TOX: variants seen among roughly 807,000 people sequenced by gnomAD.
TOX encodes thymocyte selection associated high mobility group box, also known as thymocyte selection-associated high mobility group box protein TOX.
TOX carries 11 observed loss-of-function variants against 53.7 expected under a neutral mutation model. That is an observed-to-expected ratio of 0.20 (90% CI 0.13 to 0.34). The LOEUF (loss-of-function observed/expected upper bound fraction) is 0.34, where lower values mean the gene tolerates loss of function less well. Among genes scored for constraint, TOX ranks in the 10% least tolerant of loss-of-function variants. TOX has a pLI of 1.00. For missense variants in TOX, 570 were observed against 664.6 expected (o/e 0.86, Z 1.56); for synonymous variants, 225 against 245.3 (o/e 0.92, Z 0.77).
chr8:58,878,930 G>GACTA (rs1811333832), intron 3 of TOX, among the ~76,000 whole-genome samples: 1 of 151,670 alleles, frequency 6.6e-6, no homozygotes, highest in Non-Finnish European at 1.5e-5. Flanking sequence ...GTGTGGTGGC[G>GACTA]CAAACCTGTA....
At chr8:59,102,555 A>G (rs1804825255) in intron 1 of TOX, among the ~76,000 whole-genome samples, 1 of 152,018 alleles carries the variant, frequency 6.6e-6, no homozygotes, top group South Asian at 2.1e-4. Context: ...AAACCATCAG[A>G]ACTCGTGAGA....
chr8:58,966,537 C>T (rs1306195936), intron 1 of TOX, among the ~76,000 whole-genome samples: 2 of 152,038 alleles, frequency 1.3e-5, no homozygotes, highest in Non-Finnish European at 2.9e-5. Context: ...GAAGACTTGG[C>T]CACGGGTGGG....
chr8:58,850,199 T>C (rs1252205064), intron 4 of TOX, among the ~76,000 whole-genome samples: 1 of 152,182 alleles, frequency 6.6e-6, no homozygotes, highest in Non-Finnish European at 1.5e-5. Flanking sequence ...TTGGGATTTG[T>C]TTCAGTCAGG....
chr8:58,924,712 G>A lies in TOX; in HGVS notation c.411+14590C>T, dbSNP rs143354314. Among the ~76,000 whole-genome samples the A allele has an allele frequency of 6.3e-3, 962 of 152,334 alleles. 13 individuals are homozygous for A. Among genetic ancestry groups the A allele is most frequent in the African/African-American group, 0.022 (922 of 41,572 alleles). On this transcript the variant is annotated intron_variant, in intron 3 of 8. Transcript: ENST00000361421. ...AAACTCTTGTGATCCACGATTCAGA[G>A]TTATGTGCATTTGTCTCCCGATAGG...
At chr8:58,904,905 G>C (rs937763384) in intron 3 of TOX, among the ~76,000 whole-genome samples, 5 of 152,152 alleles carry the variant, frequency 3.3e-5, no homozygotes, top group African/African-American at 1.2e-4. Flanking sequence ...TCTCATTCTT[G>C]TTTGTCCACG....
At chr8:59,000,252 T>G (rs1277547063) in intron 1 of TOX, among the ~76,000 whole-genome samples, 1 of 152,138 alleles carries the variant, frequency 6.6e-6, no homozygotes, top group Non-Finnish European at 1.5e-5. Context: ...CTTAATCAAA[T>G]TGATTGGCAG....
At chr8:59,024,868 A>C (rs1240830751) in intron 1 of TOX, among the ~76,000 whole-genome samples, 1 of 152,220 alleles carries the variant, frequency 6.6e-6, no homozygotes. Flanking sequence ...TTATTAAAGT[A>C]AATGTCAATT....
intron 3 of TOX, among the ~76,000 whole-genome samples, chr8:58,938,532 T>G (rs1427762087): frequency 6.6e-6 from 1 of 152,116 alleles, no homozygotes; most frequent in East Asian, 1.9e-4. Flanking sequence ...TATTGGGGTA[T>G]AGACAGAGAA....
chr8:59,061,614 A>G (rs529880636), intron 1 of TOX, among the ~76,000 whole-genome samples: 138 of 152,202 alleles, frequency 9.1e-4, no homozygotes, highest in African/African-American at 3.2e-3. Flanking sequence ...GGCTGTAAAG[A>G]TCCTTAACCA....
At chr8:58,844,996 C>T (rs1027369446) in intron 4 of TOX, among the ~76,000 whole-genome samples, 2 of 151,950 alleles carry the variant, frequency 1.3e-5, no homozygotes, top group African/African-American at 4.8e-5. Flanking sequence ...CACAAGAAAA[C>T]AATAATCTTT....
chr8:59,038,020 G>A (rs1254280673), intron 1 of TOX, among the ~76,000 whole-genome samples: 1 of 152,096 alleles, frequency 6.6e-6, no homozygotes, highest in Non-Finnish European at 1.5e-5. Context: ...GTGTCTCTAT[G>A]ACTTTTGAAA....
chr8:59,013,482 C>T (rs1392441666), intron 1 of TOX, among the ~76,000 whole-genome samples: 1 of 151,144 alleles, frequency 6.6e-6, no homozygotes, highest in Non-Finnish European at 1.5e-5. Flanking sequence ...GCGATCTCGG[C>T]TCACTACAAC....
intron 1 of TOX, among the ~76,000 whole-genome samples, chr8:59,077,102 G>A (rs2129422942): frequency 6.6e-6 from 1 of 152,308 alleles, no homozygotes; most frequent in Non-Finnish European, 1.5e-5. Context: ...TAGAGCTAGG[G>A]CAGAGCTCTG....
At chr8:58,928,663 G>GA (rs111704072) in intron 3 of TOX, among the ~76,000 whole-genome samples, 1,991 of 151,762 alleles carry the variant, frequency 0.013, 57 homozygotes, top group African/African-American at 0.046. Flanking sequence ...CATCACAATA[G>GA]AAAAAATACT....
Position 58,914,670 on chromosome 8 carries a change from T to C in TOX, c.411+24632A>G, listed in dbSNP as rs148728102. The stretch of plus-strand genomic sequence containing the variant: ...CTTGTTCAACCAAAAATGTCAATAA[T>C]GCCAAAATTAAGAATCTCTGGGGAG... On this transcript the variant is annotated intron_variant, in intron 3 of 8. Transcript: ENST00000361421. Among the ~76,000 whole-genome samples, 127 of 152,252 alleles carry C rather than the reference T, an allele frequency of 8.3e-4. 4 individuals carry two copies. In the East Asian group the frequency reaches 0.022, roughly 26 times the overall value.
intron 5 of TOX, among the ~76,000 whole-genome samples, chr8:58,835,008 G>A (rs1040502064): frequency 8.6e-5 from 13 of 151,974 alleles, no homozygotes; most frequent in African/African-American, 3.1e-4. Context: ...TTAAACAAGT[G>A]TTCAAATTTT....
chr8:59,087,893 C>T (rs921036777), intron 1 of TOX, among the ~76,000 whole-genome samples: 6 of 152,182 alleles, frequency 3.9e-5, no homozygotes, highest in Non-Finnish European at 8.8e-5. Context: ...GGAGTGCTCA[C>T]CTACCAGATG....
chr8:58,896,825 A>C lies in TOX; in HGVS notation c.411+42477T>G, dbSNP rs564764430. Among the ~76,000 whole-genome samples, 9 of 152,348 alleles carry C rather than the reference A, an allele frequency of 5.9e-5. No homozygotes were observed. The South Asian group carries it at 1.9e-3, about 32-fold the overall frequency. The stretch of plus-strand genomic sequence containing the variant: ...GCATGGGCCACACAATAGGCAAGAT[A>C]CCCATTATTTAGTTACTCACTCTTC... On this transcript the variant is annotated intron_variant, in intron 3 of 8. Transcript: ENST00000361421.
intron 1 of TOX, among the ~76,000 whole-genome samples, chr8:59,080,903 A>G (rs186449866): frequency 6.6e-6 from 1 of 152,294 alleles, no homozygotes; most frequent in Admixed American, 6.5e-5. Flanking sequence ...TTTCTTTACA[A>G]CAATGCAAGA....
Sources: gnomAD v4.1 joint callset for allele counts (sites outside exome capture counted in the v4.1 genomes callset) on GRCh38, gnomAD v4.1.1 for gene constraint, MANE v1.5 for transcripts, NCBI Gene and HGNC (gene_info 2026-07-23, HGNC 2026-07-21) for gene names.